Variants in TLCD4 observed in about 807,000 individuals in gnomAD.
TLCD4 encodes TLC domain containing 4, also known as TLC domain-containing protein 4.
A neutral mutation model predicts 24.2 loss-of-function variants in TLCD4; 7 were observed. The ratio of observed to expected loss-of-function variants is 0.29; its 90% CI spans 0.16 to 0.54. The LOEUF is 0.54. Ranked by LOEUF, TLCD4 falls within the 20% of genes least tolerant of loss-of-function variation. TLCD4 has a pLI of 0.95. For synonymous variants in TLCD4, 103 were observed against 106.4 expected, an observed-to-expected ratio of 0.97 and a Z score of 0.20; for missense variants, 259 against 313.9, an observed-to-expected ratio of 0.82 and a Z score of 1.32.
intron 5 of TLCD4, among the ~76,000 whole-genome samples, chr1:95,156,058 C>T (rs1445307258): frequency 1.3e-5 from 2 of 151,898 alleles, no homozygotes; most frequent in Non-Finnish European, 2.9e-5. Context: ...TGTAGAAATA[C>T]TGGGCTTAGT....
the TLCD4 span, among the ~76,000 whole-genome samples, chr1:95,112,045 C>T: frequency 6.6e-6 from 1 of 152,080 alleles, no homozygotes; most frequent in South Asian, 2.1e-4. Flanking sequence ...GCACAGTTGC[C>T]ATCTGGTGCT....
the TLCD4 span, among the ~76,000 whole-genome samples, chr1:95,104,663 C>CAA: frequency 7.2e-3 from 293 of 40,600 alleles, 52 homozygotes; most frequent in Admixed American, 5.4e-3. Flanking sequence ...GACTCCGTCT[C>CAA]AAAAAAAAAA....
intron 5 of TLCD4, among the ~76,000 whole-genome samples, chr1:95,168,106 A>G (rs941713702): frequency 3.3e-5 from 5 of 152,286 alleles, no homozygotes; most frequent in Admixed American, 3.3e-4. Context: ...GATGAGGACA[A>G]TGATGGTAGT....
chr1:95,121,584 C>G (rs28407988), intron 1 of TLCD4, among the ~76,000 whole-genome samples: 2 of 152,214 alleles, frequency 1.3e-5, no homozygotes, highest in African/African-American at 4.8e-5. Flanking sequence ...GATTCTCCTG[C>G]CTCAGCCTCC....
intron 5 of TLCD4, among the ~76,000 whole-genome samples, chr1:95,155,878 G>A (rs1677619307): frequency 6.6e-6 from 1 of 151,784 alleles, no homozygotes; most frequent in Non-Finnish European, 1.5e-5. Flanking sequence ...AGAATGAGTG[G>A]TTTCAATTAG....
chr1:95,117,082 C>T (rs1676444981), upstream of TLCD4, among the ~76,000 whole-genome samples: 1 of 152,246 alleles, frequency 6.6e-6, no homozygotes, highest in Non-Finnish European at 1.5e-5. Flanking sequence ...GTACTGACCG[C>T]TGCGGGGGCG....
chr1:95,100,881 G>A, the TLCD4 span, among the ~76,000 whole-genome samples: 2 of 150,870 alleles, frequency 1.3e-5, no homozygotes, highest in Non-Finnish European at 2.9e-5. Flanking sequence ...TGACTTCAAG[G>A]CCCATTTATG....
intron 1 of TLCD4, among the ~76,000 whole-genome samples, chr1:95,119,841 C>T (rs1373752670): frequency 1.3e-5 from 2 of 151,016 alleles, no homozygotes; most frequent in Non-Finnish European, 3.0e-5. Flanking sequence ...GTCCCACATC[C>T]TACAGATTAA....
chr1:95,103,924 A>G, the TLCD4 span, among the ~76,000 whole-genome samples: 1 of 152,230 alleles, frequency 6.6e-6, no homozygotes, highest in Admixed American at 6.5e-5. Context: ...CATTAAGAGG[A>G]TGACTTTCTC....
intron 5 of TLCD4, among the ~76,000 whole-genome samples, chr1:95,158,777 C>T (rs75459579): frequency 0.7 from 105,391 of 151,196 alleles, 36,707 homozygotes; most frequent in Middle Eastern, 0.76. Context: ...TCTGTCCTTG[C>T]GATAGTTTGC....
intron 5 of TLCD4, among the ~76,000 whole-genome samples, chr1:95,162,399 G>A (rs1677842708): frequency 6.9e-6 from 1 of 144,282 alleles, no homozygotes; most frequent in Middle Eastern, 3.7e-3. Flanking sequence ...GTGTGTCTTT[G>A]CATGTGAGAT....
chr1:95,171,763 G>A (rs11165332), intron 5 of TLCD4, among the ~76,000 whole-genome samples: 49,965 of 152,018 alleles, frequency 0.33, 9,950 homozygotes, highest in East Asian at 0.62. Context: ...AGGCAGGAAA[G>A]AATTTGGGAT....
chr1:95,174,397 C>A (rs1678343416), intron 6 of TLCD4, among the ~76,000 whole-genome samples: 1 of 150,766 alleles, frequency 6.6e-6, no homozygotes, highest in Non-Finnish European at 1.5e-5. Context: ...TAGCTGGGCT[C>A]AGGGGCTCAC....
At chr1:95,105,622 G>A in the TLCD4 span, among the ~76,000 whole-genome samples, 164 of 152,206 alleles carry the variant, frequency 1.1e-3, no homozygotes, top group East Asian at 0.019. Flanking sequence ...ATGGCCGGGC[G>A]CGGTGGCTCA....
Position 95,181,575 on chromosome 1 carries a change from G to GTTTGTTTATTTATTTATTTA in TLCD4, c.473+7689_473+7690insGTTTATTTATTTATTTATTT, listed in dbSNP as rs1553172732. ...TTGGGCTTTAACCTGTTTTAAATTT[G>GTTTGTTTATTTATTTATTTA]TTTAATTATTTATTTATTTATTTAT... On this transcript the variant is annotated intron_variant, in intron 6 of 6. Coordinates refer to ENST00000370203, the MANE Select transcript of TLCD4 (RefSeq NM_152487.3). 6.3e-5 allele frequency among the ~76,000 whole-genome samples: 6 copies of GTTTGTTTATTTATTTATTTA among 95,880 alleles called. No homozygotes were observed. The South Asian group carries it at 2.2e-3, about 34-fold the overall frequency. The allele number at this position is 95,880 out of a possible 152,430, so 62.9% of individuals were successfully genotyped here.
chr1:95,177,104 C>T (rs1228279829), intron 6 of TLCD4, among the ~76,000 whole-genome samples: 1 of 152,184 alleles, frequency 6.6e-6, no homozygotes, highest in Non-Finnish European at 1.5e-5. Context: ...CCTGTTTACA[C>T]TTCTCTCTCT....
chr1:95,136,024 C>T (rs1407363126), intron 1 of TLCD4, among the ~76,000 whole-genome samples: 1 of 151,858 alleles, frequency 6.6e-6, no homozygotes, highest in Non-Finnish European at 1.5e-5. Context: ...GCCTGGCCTG[C>T]TCTCAAGTTT....
chr1:95,120,078 C>T (rs1170352075), intron 1 of TLCD4: 1 of 152,164 alleles, frequency 6.6e-6, no homozygotes, highest in East Asian at 1.9e-4. Context: ...GAAAGGATAC[C>T]ACCAAACTAG....
chr1:95,158,724 G>A (rs961241070), intron 5 of TLCD4, among the ~76,000 whole-genome samples: 2 of 137,368 alleles, frequency 1.5e-5, no homozygotes, highest in African/African-American at 5.6e-5. Context: ...TGTTCTTATC[G>A]GTCACTTCTC....
Sources: gnomAD v4.1 joint callset for allele counts (sites outside exome capture counted in the v4.1 genomes callset) on GRCh38, gnomAD v4.1.1 for gene constraint, MANE v1.5 for transcripts, NCBI Gene and HGNC (gene_info 2026-07-23, HGNC 2026-07-21) for gene names.